Variants in DGKI observed in about 807,000 individuals in gnomAD.
DGKI encodes DAG kinase iota.
In DGKI, 55 loss-of-function variants were observed where a neutral mutation model predicts 147.5. The ratio of observed to expected loss-of-function variants is 0.37; its 90% CI spans 0.30 to 0.47. The LOEUF (loss-of-function observed/expected upper bound fraction) is 0.47. Ranked by LOEUF, DGKI falls within the 20% of genes least tolerant of loss-of-function variation. DGKI has a pLI of 1.00. For synonymous variants in DGKI, 469 were observed against 477.1 expected, an observed-to-expected ratio of 0.98 and a Z score of 0.22; for missense variants, 1,007 against 1,323.8, an observed-to-expected ratio of 0.76 and a Z score of 3.71.
At chr7:137,661,494 G>A (rs535897538) in intron 3 of DGKI, among the ~76,000 whole-genome samples, 4 of 152,228 alleles carry the variant, frequency 2.6e-5, no homozygotes, top group South Asian at 4.1e-4. Context: ...GGCCAGAGGG[G>A]GGCCACATGG....
intron 27 of DGKI, among the ~76,000 whole-genome samples, chr7:137,445,556 T>C (rs1179723145): frequency 1.3e-5 from 2 of 152,196 alleles, no homozygotes; most frequent in Admixed American, 1.3e-4. Flanking sequence ...CACTGGGTTG[T>C]AACCCCCTTG....
At chr7:137,707,231 C>T (rs1272054052) in intron 1 of DGKI, among the ~76,000 whole-genome samples, 1 of 152,212 alleles carries the variant, frequency 6.6e-6, no homozygotes, top group African/African-American at 2.4e-5. Flanking sequence ...CTCTATTCAC[C>T]TATGCGGATT....
intron 30 of DGKI, among the ~76,000 whole-genome samples, chr7:137,407,292 G>A (rs972362031): frequency 9.2e-5 from 14 of 152,316 alleles, no homozygotes; most frequent in African/African-American, 2.6e-4. Flanking sequence ...TCCTGCAAAC[G>A]ATCTGGCACC....
At chr7:137,731,096 C>A (rs1212844829) in intron 1 of DGKI, among the ~76,000 whole-genome samples, 3 of 152,022 alleles carry the variant, frequency 2.0e-5, no homozygotes, top group Admixed American at 6.6e-5. Flanking sequence ...TACCACGGGG[C>A]CTTCACACCT....
chr7:137,562,986 C>A (rs547496495), intron 19 of DGKI, among the ~76,000 whole-genome samples: 1 of 152,138 alleles, frequency 6.6e-6, no homozygotes, highest in African/African-American at 2.4e-5. Flanking sequence ...ATCGCTCTCC[C>A]TCATAATCAT....
intron 18 of DGKI, among the ~76,000 whole-genome samples, chr7:137,571,628 T>C (rs959212531): frequency 2.2e-4 from 33 of 152,134 alleles, no homozygotes; most frequent in African/African-American, 7.7e-4. Context: ...AAGGAAGATG[T>C]ATGCATGCCA....
intron 1 of DGKI, among the ~76,000 whole-genome samples, chr7:137,834,444 A>G (rs1291039540): frequency 2.0e-5 from 3 of 152,220 alleles, no homozygotes; most frequent in East Asian, 1.9e-4. Context: ...CAGCACCACA[A>G]TGGGAATAAC....
chr7:137,695,525 A>AT (rs1321747449), intron 1 of DGKI, among the ~76,000 whole-genome samples: 2 of 152,052 alleles, frequency 1.3e-5, no homozygotes, highest in African/African-American at 4.8e-5. Context: ...TAAATTTCCC[A>AT]TTTTTTTATA....
intron 28 of DGKI, among the ~76,000 whole-genome samples, chr7:137,418,715 T>C (rs1240451953): frequency 6.6e-6 from 1 of 151,534 alleles, no homozygotes; most frequent in African/African-American, 2.5e-5. Flanking sequence ...GTCAGCTAAC[T>C]CTTTTTTTCC....
At chr7:137,680,149 C>T (rs1274912708) in intron 2 of DGKI, among the ~76,000 whole-genome samples, 1 of 152,070 alleles carries the variant, frequency 6.6e-6, no homozygotes, top group East Asian at 1.9e-4. Context: ...AGATTCCCCT[C>T]ATGCACACAC....
intron 2 of DGKI, among the ~76,000 whole-genome samples, chr7:137,681,196 T>G (rs1024154438): frequency 6.6e-6 from 1 of 152,168 alleles, no homozygotes; most frequent in Non-Finnish European, 1.5e-5. Context: ...GCCCTCTACA[T>G]CAAAGGGTGG....
At chr7:137,410,382 G>A (rs2128900310) in intron 29 of DGKI, among the ~76,000 whole-genome samples, 1 of 152,308 alleles carries the variant, frequency 6.6e-6, no homozygotes, top group East Asian at 1.9e-4. Context: ...TCCAGCCTGG[G>A]TGACAGAGCG....
chr7:137,559,294 A>G (rs1438183591), intron 19 of DGKI, among the ~76,000 whole-genome samples: 2 of 150,422 alleles, frequency 1.3e-5, no homozygotes, highest in Non-Finnish European at 3.0e-5. Flanking sequence ...GATGGTCTCG[A>G]TCTCCTGACC....
chr7:137,691,861 G>T (rs1646339), intron 1 of DGKI, among the ~76,000 whole-genome samples: 147,052 of 147,052 alleles, frequency 1, 73,526 homozygotes, highest in Non-Finnish European at 1. Context: ...CCAGATATAG[G>T]GGGTAGGTCT....
At chr7:137,780,162 T>C (rs1351367740) in intron 1 of DGKI, among the ~76,000 whole-genome samples, 1 of 152,214 alleles carries the variant, frequency 6.6e-6, no homozygotes, top group African/African-American at 2.4e-5. Flanking sequence ...TAAAGTGGCA[T>C]GGTTGACAAG....
chr7:137,405,568 C>T (rs1343320357), intron 30 of DGKI, among the ~76,000 whole-genome samples: 2 of 152,300 alleles, frequency 1.3e-5, no homozygotes, highest in Middle Eastern at 3.4e-3. Flanking sequence ...TAAATATCTC[C>T]ATGAATTTTT....
intron 29 of DGKI, among the ~76,000 whole-genome samples, chr7:137,410,995 T>G (rs1262887250): frequency 2.0e-5 from 3 of 152,250 alleles, no homozygotes; most frequent in African/African-American, 7.2e-5. Flanking sequence ...TCAAGATGTT[T>G]GCAAACATTT....
intron 1 of DGKI, among the ~76,000 whole-genome samples, chr7:137,706,629 A>G (rs1451036406): frequency 1.3e-5 from 2 of 148,192 alleles, no homozygotes; most frequent in South Asian, 2.1e-4. Context: ...CTGGAGTGCA[A>G]TGGTGCAATT....
At chr7:137,754,928 C>T (rs1218045327) in intron 1 of DGKI, among the ~76,000 whole-genome samples, 1 of 152,196 alleles carries the variant, frequency 6.6e-6, no homozygotes, top group Non-Finnish European at 1.5e-5. Context: ...GGTTGTTTGA[C>T]AGACGCATAA....
Sources: gnomAD v4.1 joint callset for allele counts (sites outside exome capture counted in the v4.1 genomes callset) on GRCh38, gnomAD v4.1.1 for gene constraint, MANE v1.5 for transcripts, NCBI Gene and HGNC (gene_info 2026-07-23, HGNC 2026-07-21) for gene names.